Variants in IQSEC3 observed in about 807,000 individuals in gnomAD.
IQSEC3 encodes the protein IQ motif and Sec7 domain ArfGEF 3.
In IQSEC3, 50 loss-of-function variants were observed where a neutral mutation model predicts 105.4. The observed-to-expected ratio is 0.47, with a 90% CI of 0.38 to 0.60. The LOEUF is 0.60. IQSEC3 is among the 20% of genes least tolerant of loss of function. The pLI is 0.00. For synonymous variants in IQSEC3, 708 were observed against 746.0 expected (o/e 0.95, Z 0.83); for missense variants, 1,415 against 1,630.0 (o/e 0.87, Z 2.27).
rs782071870 is a variant in IQSEC3 at position 125,928 on chromosome 12, TA to T, written c.903+17del. ...GAATAAACAGGTACCCAGGGCCTCCTAGGGGGGCGGGGAGGGTGGTGAAGGG... is the reference window on the plus strand; with the variant it reads ...GAATAAACAGGTACCCAGGGCCTCCTGGGGGGCGGGGAGGGTGGTGAAGGG... On this transcript the variant is annotated intron_variant, in intron 3 of 13. Transcript: ENST00000538872. The T allele has an allele frequency of 3.4e-5, 52 of 1,528,962 alleles. No homozygotes were observed. The East Asian group carries it at 6.1e-4, about 18-fold the overall frequency. 94.7% of individuals were successfully genotyped at this position (1,528,962 alleles called of 1,614,324 possible).
intron 2 of IQSEC3, among the ~76,000 whole-genome samples, chr12:122,239 AGGCC>A (rs1865243753): frequency 6.6e-6 from 1 of 152,070 alleles, no homozygotes; most frequent in Non-Finnish European, 1.5e-5. Context: ...GGGCCTTGAT[AGGCC>A]GGCCTCTGCC....
chr12:141,878 C>CAGGG (rs1157177238), intron 5 of IQSEC3: 2 of 152,390 alleles, frequency 1.3e-5, no homozygotes, highest in Admixed American at 1.3e-4. Flanking sequence ...TGGGGACCCC[C>CAGGG]AGGGGGCTGC....
chr12:67,394 C>T lies in IQSEC3; in HGVS notation c.512C>T (p.Ser171Phe), dbSNP rs782704559. ...GCCGGAGCCCTCCTTCAGCACAAAT[C>T]CCCCTCCGCCCTCGGCAAGGGCGTC... ...AAAGALLQHK[S>F]PSALGKGVLS... The change falls in exon 1 of 14, where the codon TCC (serine) becomes TTC (phenylalanine). Residue 171 changes from serine to phenylalanine, a missense_variant. Physicochemically the swap from Ser to Phe is radical, Grantham distance 155. Around this residue, in one of 6 missense-constraint regions of IQSEC3, gnomAD observed 26 missense variants for 108.1 expected, o/e 0.24. Transcript: ENST00000538872. 1.2e-5 allele frequency: 19 copies of T among 1,597,778 alleles called. No individual in the cohort carries two copies. Among genetic ancestry groups the T allele is most frequent in the South Asian group, 8.8e-5 (8 of 90,902 alleles).
intron 1 of IQSEC3, among the ~76,000 whole-genome samples, chr12:84,227 C>T (rs923745848): frequency 9.2e-5 from 14 of 152,242 alleles, no homozygotes; most frequent in South Asian, 4.1e-4. Flanking sequence ...GAATTTGGCC[C>T]GTGGCCCACT....
chr12:97,104 G>C (rs1388273802), intron 1 of IQSEC3, among the ~76,000 whole-genome samples: 1 of 152,190 alleles, frequency 6.6e-6, no homozygotes, highest in East Asian at 1.9e-4. Context: ...ATTTGAGTTT[G>C]TGAGGCAGAA....
intron 1 of IQSEC3, among the ~76,000 whole-genome samples, chr12:73,520 A>C (rs1384134941): frequency 6.6e-6 from 1 of 152,200 alleles, no homozygotes; most frequent in Non-Finnish European, 1.5e-5. Flanking sequence ...CTAAAAATAC[A>C]AAATTAGCCA....
intron 2 of IQSEC3, among the ~76,000 whole-genome samples, chr12:100,426 CT>C (rs797035303): frequency 1.2e-4 from 19 of 152,324 alleles, no homozygotes; most frequent in African/African-American, 4.3e-4. Context: ...TGGAAAATAA[CT>C]GGACAGTGAT....
At chr12:167,960 T>A (rs1325241925) in intron 11 of IQSEC3, among the ~76,000 whole-genome samples, 1 of 152,144 alleles carries the variant, frequency 6.6e-6, no homozygotes, top group Admixed American at 6.6e-5. Context: ...GAGAAACAAC[T>A]CTCAGTTGAG....
Position 157,054 on chromosome 12 carries a change from G to T in IQSEC3, c.2183G>T (p.Ser728Ile), listed in dbSNP as rs1452096270. The stretch of plus-strand genomic sequence containing the variant: ...GTGGTGGACGAGATGGACTTCTCCA[G>T]CATGGAGCTGGACGAGGCCCTGCGC... ...DCVVDEMDFS[S>I]MELDEALRKF... Residue 728 changes from serine to isoleucine, a missense_variant, in exon 6 of 14, where the codon AGC becomes ATC. By Grantham distance (142) the Ser-to-Ile change is moderately radical (BLOSUM62 -2). Around this residue, in one of 6 missense-constraint regions of IQSEC3, gnomAD observed 213 missense variants for 306.2 expected, o/e 0.70. Transcript: ENST00000538872. The T allele has an allele frequency of 1.2e-6, 2 of 1,607,170 alleles. No homozygotes were observed. Among genetic ancestry groups the T allele is most frequent in the African/African-American group, 2.7e-5 (2 of 74,880 alleles).
At chr12:125,368 T>C (rs1038066941) in intron 2 of IQSEC3, among the ~76,000 whole-genome samples, 1 of 152,154 alleles carries the variant, frequency 6.6e-6, no homozygotes, top group Admixed American at 6.5e-5. Context: ...GCCATACTGC[T>C]TCTAAGCAGA....
intron 2 of IQSEC3, among the ~76,000 whole-genome samples, chr12:100,288 G>A (rs1036489503): frequency 4.6e-5 from 7 of 152,204 alleles, no homozygotes; most frequent in East Asian, 3.9e-4. Context: ...GGAGGACCCA[G>A]AGACTTGTCC....
rs781957980 is a variant in IQSEC3 at position 99,258 on chromosome 12, T to C, written c.623+44T>C. On this transcript the variant is annotated intron_variant, in intron 2 of 13. Transcript: ENST00000538872. ...CCTCCCTTCCGCATCCCCACCTTCCTTCCTGTTACAACAAAGCACGTACCA... is the reference window on the plus strand; with the variant it reads ...CCTCCCTTCCGCATCCCCACCTTCCCTCCTGTTACAACAAAGCACGTACCA... The C allele has an allele frequency of 5.8e-5, 91 of 1,558,372 alleles. No individual in the cohort carries two copies. The South Asian group carries it at 1.0e-3, about 17-fold the overall frequency.
At chr12:71,451 A>G (rs1591620871) in intron 1 of IQSEC3, among the ~76,000 whole-genome samples, 1 of 152,290 alleles carries the variant, frequency 6.6e-6, no homozygotes, top group East Asian at 1.9e-4. Flanking sequence ...GCAGCTGCCT[A>G]AAGCAATCCT....
intron 7 of IQSEC3, among the ~76,000 whole-genome samples, chr12:160,704 C>T (rs993156081): frequency 3.3e-5 from 5 of 152,152 alleles, no homozygotes; most frequent in Admixed American, 1.3e-4. Flanking sequence ...CCTTCACCTT[C>T]GCTTTTAGGG....
At chr12:165,405 G>A in intron 9 of IQSEC3, 29 bp from the exon 10 acceptor site, 2 of 1,558,884 alleles carry the variant, frequency 1.3e-6, no homozygotes, top group Non-Finnish European at 8.8e-7. Flanking sequence ...CTGTTCATCA[G>A]GGCATGCCTG....
chr12:81,058 G>C (rs1263693553), intron 1 of IQSEC3, among the ~76,000 whole-genome samples: 1 of 152,198 alleles, frequency 6.6e-6, no homozygotes, highest in East Asian at 1.9e-4. Context: ...TCTCAACTGG[G>C]ATTTCCAGGT....
rs782464556 is a variant in IQSEC3 at position 165,450 on chromosome 12, C to G, written c.2726C>G (p.Pro909Arg). The change falls in exon 10 of 14, where the codon CCG becomes CGG. Residue 909 changes from proline (P) to arginine (R), a missense_variant. Coordinates refer to ENST00000538872, the MANE Select transcript of IQSEC3 (RefSeq NM_001170738.2). The part of the protein sequence containing the change: ...NDLLVILKLC[P>R]KKKSSSTYTF... Reference sequence around the variant, plus strand: ...CCTGAACAGATTCTCAAACTTTGCCCGAAGAAGAAGAGCTCCTCCACGTAC... The same window carrying G: ...CCTGAACAGATTCTCAAACTTTGCCGGAAGAAGAAGAGCTCCTCCACGTAC... 5.0e-6 allele frequency: 8 copies of G among 1,613,850 alleles called. No homozygotes were observed. Among genetic ancestry groups the G allele is most frequent in the Non-Finnish European group, 5.9e-6 (7 of 1,179,804 alleles).
At chr12:145,726 C>T (rs1866235996) in intron 5 of IQSEC3, among the ~76,000 whole-genome samples, 1 of 152,226 alleles carries the variant, frequency 6.6e-6, no homozygotes, top group African/African-American at 2.4e-5. Context: ...GGGCTGGAAG[C>T]CTCTCCCTCT....
intron 13 of IQSEC3, chr12:171,526 G>GT (rs1480306348): frequency 1.2e-5 from 7 of 600,518 alleles, no homozygotes; most frequent in Admixed American, 3.0e-5. Flanking sequence ...AGTACTTGCT[G>GT]TATCAGAAGA....
Sources: gnomAD v4.1 joint callset for allele counts (sites outside exome capture counted in the v4.1 genomes callset) on GRCh38, gnomAD v4.1.1 for gene constraint, gnomAD v4.1.1 regional missense constraint, MANE v1.5 for transcripts, NCBI Gene and HGNC (gene_info 2026-07-23, HGNC 2026-07-21) for gene names.